Variants in ZSCAN18 observed in about 807,000 individuals in gnomAD.
ZSCAN18 encodes zinc finger and SCAN domain-containing protein 18.
A neutral mutation model predicts 31.1 loss-of-function variants in ZSCAN18; 16 were observed. That is an observed-to-expected ratio of 0.51 (90% CI 0.35 to 0.78). The LOEUF is 0.78. Ranked by LOEUF, ZSCAN18 falls within the 30% of genes least tolerant of loss-of-function variation. The probability of loss-of-function intolerance (pLI) is 0.01; values close to 1 mark genes in which losing one functional copy is unlikely to be tolerated. For missense variants in ZSCAN18, 731 were observed against 697.4 expected (o/e 1.05, Z -0.54); for synonymous variants, 375 against 320.7 (o/e 1.17, Z -1.81).
In ZSCAN18 at chr19:58,087,328, G is replaced by C. The variant is rs190488603; in HGVS notation, c.630C>G (p.Ala210=). The C allele has an allele frequency of 3.1e-6, 5 of 1,606,144 alleles. No homozygotes were observed. In the South Asian group the frequency reaches 3.4e-5, roughly 11 times the overall value. ...CGTGCCCACCCACCTGCTCGGTGTT[G>C]GCAGGGCCGTCCTCTTCGGTCTTTG... ...REAKTEEDGP[A]NTEQKLKSFP... is the part of the protein sequence containing the mutation. Residue 210 remains alanine, a synonymous_variant, in exon 4 of 7, where the codon GCC becomes GCG. Coordinates refer to ENST00000601144, the MANE Select transcript of ZSCAN18 (RefSeq NM_001145543.2).
chr19:58,086,352 G>T, intron 5 of ZSCAN18, 86 bp from the exon 6 acceptor site: 1 of 1,228,686 alleles, frequency 8.1e-7, no homozygotes, highest in Non-Finnish European at 1.2e-6. Flanking sequence ...AGCCAGGGCA[G>T]GCTGCAGCCC....
At chr19:58,113,942 T>C (rs972021768) in intron 1 of ZSCAN18, among the ~76,000 whole-genome samples, 8 of 152,048 alleles carry the variant, frequency 5.3e-5, no homozygotes, top group African/African-American at 1.9e-4. Context: ...CGTGCCACTG[T>C]AGTCCAGCCT....
At chr19:58,107,090 T>A (rs758541633) in intron 1 of ZSCAN18, among the ~76,000 whole-genome samples, 3 of 151,976 alleles carry the variant, frequency 2.0e-5, no homozygotes, top group Non-Finnish European at 4.4e-5. Flanking sequence ...ATAATGAGAC[T>A]GGAAAGTCAA....
At chr19:58,085,468 C>T (rs1434471829) in intron 6 of ZSCAN18, 89 bp from the exon 7 acceptor site, 4 of 1,206,194 alleles carry the variant, frequency 3.3e-6, no homozygotes, top group African/African-American at 1.6e-5. Flanking sequence ...CGGAACAGCG[C>T]ACAGGGCTCC....
At chr19:58,088,936 C>T (rs915388545) in intron 2 of ZSCAN18, 99 bp from the exon 3 acceptor site, 31 of 1,115,594 alleles carry the variant, frequency 2.8e-5, no homozygotes, top group Non-Finnish European at 3.8e-5. Flanking sequence ...TCCAGGGCCA[C>T]ATCACTACCC....
intron 1 of ZSCAN18, among the ~76,000 whole-genome samples, chr19:58,094,876 G>GC (rs2074490624): frequency 2.4e-5 from 1 of 41,828 alleles, no homozygotes; most frequent in Non-Finnish European, 3.8e-5. Flanking sequence ...AGACCCTGTC[G>GC]CAAAAAAAAA....
upstream of ZSCAN18, among the ~76,000 whole-genome samples, chr19:58,099,657 TAAG>T (rs1368822289): frequency 1.3e-5 from 2 of 152,226 alleles, no homozygotes; most frequent in African/African-American, 4.8e-5. Flanking sequence ...ATTAGTGTTG[TAAG>T]AAGCTGCCAC....
At chr19:58,107,557 G>T in intron 1 of ZSCAN18, 3 of 707,034 alleles carry the variant, frequency 4.2e-6, no homozygotes, top group South Asian at 6.4e-5. Context: ...GTGAAACTCT[G>T]TCTCAAAAAT....
At chr19:58,102,606 T>C (rs2146018965), upstream of ZSCAN18, among the ~76,000 whole-genome samples, 1 of 152,254 alleles carries the variant, frequency 6.6e-6, no homozygotes, top group Admixed American at 6.5e-5. Flanking sequence ...CAGGTAACAA[T>C]GATTATTCAG....
At chr19:58,093,874 T>G (rs538351565) in intron 1 of ZSCAN18, among the ~76,000 whole-genome samples, 37 of 152,166 alleles carry the variant, frequency 2.4e-4, no homozygotes, top group African/African-American at 8.9e-4. Context: ...CAAGCAGTTC[T>G]CCTCCCTCAG....
intron 1 of ZSCAN18, chr19:58,108,220 T>G (rs1265140708): frequency 6.1e-6 from 6 of 985,516 alleles, no homozygotes; most frequent in Non-Finnish European, 7.2e-6. Context: ...ATAAGTTATG[T>G]GTGATCAATG....
chr19:58,087,537 G>C, intron 3 of ZSCAN18, 133 bp from the exon 4 acceptor site: 1 of 739,278 alleles, frequency 1.4e-6, no homozygotes, highest in Non-Finnish European at 2.2e-6. Context: ...AAGGCTCAAC[G>C]GACACTACAC....
chr19:58,107,334 A>G (rs1600008965), intron 1 of ZSCAN18, among the ~76,000 whole-genome samples: 1 of 152,058 alleles, frequency 6.6e-6, no homozygotes, highest in East Asian at 2.0e-4. Flanking sequence ...AGGTGGGCAG[A>G]TCACTTCAGG....
intron 1 of ZSCAN18, among the ~76,000 whole-genome samples, chr19:58,110,071 A>G (rs2554985): frequency 0.79 from 119,918 of 152,064 alleles, 47,619 homozygotes; most frequent in Non-Finnish European, 0.85. Flanking sequence ...TGTAGAGACA[A>G]GTCTCACTAT....
chr19:58,101,125 CT>C (rs71188077), upstream of ZSCAN18, among the ~76,000 whole-genome samples: 89,152 of 127,850 alleles, frequency 0.7, 31,401 homozygotes, highest in Non-Finnish European at 0.81. Flanking sequence ...ATTCCTCCCA[CT>C]TTTTTTTTTT....
intron 1 of ZSCAN18, among the ~76,000 whole-genome samples, chr19:58,112,882 CAGA>C (rs2074697033): frequency 8.1e-6 from 1 of 123,464 alleles, no homozygotes; most frequent in African/African-American, 3.1e-5. Context: ...ACCTGGGAGG[CAGA>C]AGGTGCAGTG....
At chr19:58,087,584 G>A (rs1178831007) in intron 3 of ZSCAN18, 180 bp from the exon 4 acceptor site, 2 of 590,074 alleles carry the variant, frequency 3.4e-6, no homozygotes, top group Non-Finnish European at 6.0e-6. Flanking sequence ...GTGGCCACAG[G>A]GCTTGGGTGG....
At chr19:58,113,723 A>G (rs767187118) in intron 1 of ZSCAN18, among the ~76,000 whole-genome samples, 2 of 152,176 alleles carry the variant, frequency 1.3e-5, no homozygotes, top group African/African-American at 2.4e-5. Flanking sequence ...TCACGACTAT[A>G]ATCCCAGGAC....
chr19:58,088,947 A>C, intron 2 of ZSCAN18, 110 bp from the exon 3 acceptor site: 1 of 988,174 alleles, frequency 1.0e-6, no homozygotes, highest in South Asian at 1.8e-5. Context: ...ATCACTACCC[A>C]TCCTGCACCT....
Sources: allele counts gnomAD v4.1 joint callset (sites outside exome capture counted in the v4.1 genomes callset), GRCh38; gene constraint gnomAD v4.1.1; transcripts MANE v1.5; gene names NCBI Gene and HGNC (gene_info 2026-07-23, HGNC 2026-07-21).